Variants in CEACAM7 observed in about 807,000 individuals in gnomAD.
CEACAM7 encodes CEA cell adhesion molecule 7.
A neutral mutation model predicts 25.7 loss-of-function variants in CEACAM7; 24 were observed. The ratio of observed to expected loss-of-function variants is 0.93; its 90% confidence interval spans 0.68 to 1.31. The LOEUF is 1.31. Ranked by LOEUF, CEACAM7 falls within the 40% of genes most tolerant of loss-of-function variation. The pLI is 0.00. For missense variants in CEACAM7, 324 were observed against 330.1 expected (o/e 0.98, Z 0.14); for synonymous variants, 144 against 129.4 (o/e 1.11, Z -0.77).
At position 41,681,987 on chromosome 19, in the gene CEACAM7, C is replaced by T. The variant is rs548169167; in HGVS notation, c.706+1798G>A. ...TGGAGACAGGGTCTCACTCTGTCAC[C>T]GAGGCTGGAATTCAATGGCGCAATC... On this transcript the variant is annotated intron_variant, in intron 3 of 4. Transcript: ENST00000401731. 3.3e-5 allele frequency among the ~76,000 whole-genome samples: 5 copies of T among 152,230 alleles called. No homozygotes were observed. The South Asian group carries it at 6.2e-4, about 19-fold the overall frequency.
At chr19:41,675,065 G>T (rs1489567381) in intron 4 of CEACAM7, among the ~76,000 whole-genome samples, 4 of 152,190 alleles carry the variant, frequency 2.6e-5, no homozygotes, top group Non-Finnish European at 5.9e-5. Flanking sequence ...GCTGACTTCA[G>T]ACTTTGCCTG....
At chr19:41,675,775 C>T (rs541285531) in intron 4 of CEACAM7, among the ~76,000 whole-genome samples, 1 of 152,320 alleles carries the variant, frequency 6.6e-6, no homozygotes, top group East Asian at 1.9e-4. Flanking sequence ...CACTCACAAA[C>T]AAATTTGGTT....
rs529855475 is a variant in CEACAM7, at chr19:41,681,906, G to A, written c.706+1879C>T. ...TGAAAAAGTTCTGGAAATGGATAGC[G>A]GTGATGGTTGCACAACAGTATAAAT... On this transcript the variant is annotated intron_variant, in intron 3 of 4. Coordinates refer to ENST00000401731, the MANE Select transcript of CEACAM7 (RefSeq NM_001291485.2). 2.2e-4 allele frequency among the ~76,000 whole-genome samples: 33 copies of A among 152,204 alleles called. No homozygotes were observed. The South Asian group carries it at 5.0e-3, about 23-fold the overall frequency.
In CEACAM7 at chr19:41,674,610, G is replaced by T; in HGVS notation, c.*166C>A. ...AGTGGCCCACATCTCAGGCATGAGGGTTTTTCCTTGAAATTTACATTGAGT... is the reference window on the plus strand; with the variant it reads ...AGTGGCCCACATCTCAGGCATGAGGTTTTTTCCTTGAAATTTACATTGAGT... On this transcript the variant is annotated 3_prime_UTR_variant, in exon 5 of 5. Transcript: ENST00000401731. 2 of 352,960 alleles carry T rather than the reference G, an allele frequency of 5.7e-6. No homozygotes were observed. Among genetic ancestry groups the T allele is most frequent in the South Asian group, 4.6e-5 (2 of 43,350 alleles). 21.9% of individuals were successfully genotyped at this position (352,960 alleles called of 1,614,324 possible). A position where few individuals can be genotyped will look rare whatever the true frequency, so the allele number is the denominator to read the frequency against.
rs782293891 is a variant in CEACAM7 at position 41,688,150 on chromosome 19, C to T, written c.16G>A (p.Ala6Thr). The stretch of plus-strand genomic sequence containing the variant: ...GGAATGCACACTCTGTATGGACAGG[C>T]TGAAGGGGACCCCATGGTCTCTGCT... MGSPS[A>T]CPYRVCIPWQ... is the part of the protein sequence containing the mutation. Residue 6 changes from alanine to threonine, a missense_variant, in exon 1 of 5, where the codon GCC becomes ACC. Coordinates refer to ENST00000401731, the MANE Select transcript of CEACAM7 (RefSeq NM_001291485.2). The T allele has an allele frequency of 3.1e-6, 5 of 1,611,360 alleles. No homozygotes were observed. Among genetic ancestry groups the T allele is most frequent in the Non-Finnish European group, 4.2e-6 (5 of 1,178,524 alleles).
chr19:41,685,557 C>T (rs1474512324), intron 2 of CEACAM7, among the ~76,000 whole-genome samples: 1 of 152,160 alleles, frequency 6.6e-6, no homozygotes, highest in Non-Finnish European at 1.5e-5. Flanking sequence ...TTCATTCCCT[C>T]CCTCCTTCAT....
intron 3 of CEACAM7, among the ~76,000 whole-genome samples, chr19:41,680,240 G>A (rs2122721774): frequency 6.6e-6 from 1 of 151,920 alleles, no homozygotes; most frequent in Admixed American, 6.6e-5. Flanking sequence ...AACCAAGGAG[G>A]TGAAAAAATT....
chr19:41,675,950 A>G (rs989428389), intron 4 of CEACAM7, among the ~76,000 whole-genome samples: 5 of 152,268 alleles, frequency 3.3e-5, no homozygotes, highest in South Asian at 2.1e-4. Context: ...TAACATATCA[A>G]TTAAGGTGAA....
chr19:41,687,216 G>A lies in CEACAM7; in HGVS notation c.70C>T (p.Leu24Phe). 1 of 1,597,730 alleles carries A rather than the reference G, an allele frequency of 6.3e-7. No individual in the cohort carries two copies. The highest frequency in any genetic ancestry group is 1.1e-5 in the South Asian group (1 of 89,354). ...PWQGLLLTASLLTFWNLPNSA... is the reference protein window; with the variant it reads ...PWQGLLLTASFLTFWNLPNSA... ...TTTGGCAGGTTCCAGAAGGTTAAAA[G>A]CGAGGCTAGGAGGGGGAGAGAACAT... Residue 24 changes from leucine (L) to phenylalanine (F), a missense_variant, in exon 2 of 5, where the codon CTT (leucine) becomes TTT (phenylalanine). Physicochemically the swap from Leu to Phe is conservative, Grantham distance 22. Transcript: ENST00000401731.
intron 3 of CEACAM7, among the ~76,000 whole-genome samples, chr19:41,679,709 T>A (rs1555810483): frequency 6.6e-6 from 1 of 151,890 alleles, no homozygotes; most frequent in Non-Finnish European, 1.5e-5. Context: ...AGATTCAGTA[T>A]AACTGCAAGA....
chr19:41,677,269 A>G, intron 4 of CEACAM7, 107 bp downstream of exon 4: 1 of 605,482 alleles, frequency 1.7e-6, no homozygotes. Flanking sequence ...TAGTGGGAGG[A>G]GGAGGAGATC....
chr19:41,683,704 G>C, intron 3 of CEACAM7, 81 bp downstream of exon 3: 1 of 1,563,356 alleles, frequency 6.4e-7, no homozygotes, highest in Non-Finnish European at 8.7e-7. Context: ...ACTTGGACCT[G>C]AGAGGGACTA....
chr19:41,683,392 C>T (rs1356387475), intron 3 of CEACAM7, among the ~76,000 whole-genome samples: 14 of 152,160 alleles, frequency 9.2e-5, no homozygotes, highest in African/African-American at 2.2e-4. Flanking sequence ...CCAAGCCACC[C>T]GGAGCAAAGA....
In CEACAM7 at chr19:41,674,624, T is replaced by C. The variant is rs2072095979; in HGVS notation, c.*152A>G. On this transcript the variant is annotated 3_prime_UTR_variant, in exon 5 of 5. Transcript: ENST00000401731. ...CAGGCATGAGGGTTTTTCCTTGAAA[T>C]TTACATTGAGTTGTCCACCTCCAGC... 6 of 349,108 alleles carry C rather than the reference T, an allele frequency of 1.7e-5. No individual in the cohort carries two copies. Among genetic ancestry groups the C allele is most frequent in the Non-Finnish European group, 3.5e-5 (6 of 173,686 alleles). The allele number at this position is 349,108 out of a possible 1,614,324, so 21.6% of individuals were successfully genotyped here.
At chr19:41,686,027 T>C (rs3826895) in intron 2 of CEACAM7, among the ~76,000 whole-genome samples, 79,208 of 151,544 alleles carry the variant, frequency 0.52, 20,953 homozygotes, top group Middle Eastern at 0.62. Context: ...TCTGTGAATT[T>C]ACCTTAAAAT....
In CEACAM7 at chr19:41,684,063, G is replaced by C. The variant is rs782496203; in HGVS notation, c.428C>G (p.Ser143Trp). The change falls in exon 3 of 5, where the codon TCG becomes TGG. Residue 143 changes from serine to tryptophan, a missense_variant and splice_region_variant. Ser to Trp is a radical substitution (Grantham distance 177). Coordinates refer to ENST00000401731, the MANE Select transcript of CEACAM7 (RefSeq NM_001291485.2). ...GGTGATGGAGGGCTTGGGTGGCTCC[G>C]CTGTGCAGATAAGAGAGAGAAAAGA... ...EEVTRQFYVFSEPPKPSITSN... is the reference protein window; with the variant it reads ...EEVTRQFYVFWEPPKPSITSN... 1 of 1,613,520 alleles carries C rather than the reference G, an allele frequency of 6.2e-7. No individual in the cohort carries two copies. Among genetic ancestry groups the C allele is most frequent in the Non-Finnish European group, 8.5e-7 (1 of 1,179,774 alleles).
chr19:41,677,278 T>C, intron 4 of CEACAM7, 98 bp downstream of exon 4: 4 of 631,284 alleles, frequency 6.3e-6, no homozygotes, highest in Middle Eastern at 4.0e-4. Context: ...GAGGAGGAGA[T>C]CTAGTCCCAG....
chr19:41,686,801 C>T lies in CEACAM7; in HGVS notation c.427+58G>A, dbSNP rs571959889. On this transcript the variant is annotated intron_variant, in intron 2 of 4. Coordinates refer to ENST00000401731, the MANE Select transcript of CEACAM7 (RefSeq NM_001291485.2). ...AGGCACAACCCAGGCCTGACAACCC[C>T]GTGTGTATGAAGTAGAACTGGCCCC... is the stretch of plus-strand genomic sequence containing the variant. The T allele has an allele frequency of 5.5e-5, 82 of 1,500,836 alleles. 2 individuals are homozygous for T. The South Asian group carries it at 8.7e-4, about 16-fold the overall frequency. 93.0% of individuals were successfully genotyped at this position (1,500,836 alleles called of 1,614,324 possible).
chr19:41,687,081 T>G lies in CEACAM7; in HGVS notation c.205A>C (p.Lys69Gln). The G allele has an allele frequency of 6.2e-7, 1 of 1,614,138 alleles. No homozygotes were observed. Among genetic ancestry groups the G allele is most frequent in the Non-Finnish European group, 8.5e-7 (1 of 1,180,012 alleles). Residue 69 changes from lysine (K) to glutamine (Q), a missense_variant, in exon 2 of 5, where the codon AAA (lysine) becomes CAA (glutamine). Transcript: ENST00000401731. ...TAGTTGGCATGCACCCTTTCCCCTT[T>G]GTACCAGTTGTAGCCATAAAGATTC... ...SQNLYGYNWY[K>Q]GERVHANYRI...
Sources: allele counts gnomAD v4.1 joint callset (sites outside exome capture counted in the v4.1 genomes callset), GRCh38; gene constraint gnomAD v4.1.1; transcripts MANE v1.5; gene names NCBI Gene and HGNC (gene_info 2026-07-23, HGNC 2026-07-21).